Variants in TRDN observed in about 807,000 individuals in gnomAD.
The protein encoded by TRDN is triadin in skeletal muscle.
TRDN carries 161 observed loss-of-function variants against 149.7 expected under a neutral mutation model. That is an observed-to-expected ratio of 1.08 (90% CI 0.95 to 1.23). TRDN has a LOEUF of 1.23. Ranked by LOEUF, TRDN falls within the 50% of genes most tolerant of loss-of-function variation. The pLI is 0.00. For missense variants in TRDN, 896 were observed against 823.5 expected (o/e 1.09, Z -1.08); for synonymous variants, 294 against 250.5 (o/e 1.17, Z -1.64).
At chr6:123,581,839 A>G (rs1366965876) in intron 1 of TRDN, among the ~76,000 whole-genome samples, 1 of 152,212 alleles carries the variant, frequency 6.6e-6, no homozygotes, top group South Asian at 2.1e-4. Context: ...AACTTTTTGT[A>G]AGGAGACAAT....
intron 12 of TRDN, among the ~76,000 whole-genome samples, chr6:123,432,237 TC>T (rs1481622481): frequency 6.6e-6 from 1 of 152,192 alleles, no homozygotes; most frequent in Admixed American, 6.5e-5. Flanking sequence ...TTTGGATATA[TC>T]TTTTTCTAAA....
chr6:123,370,356 A>C (rs553461441), intron 19 of TRDN, among the ~76,000 whole-genome samples: 42 of 152,190 alleles, frequency 2.8e-4, no homozygotes, highest in African/African-American at 9.6e-4. Context: ...GTGTTATATA[A>C]ATTAAACTGT....
intron 19 of TRDN, 66 bp downstream of exon 19, chr6:123,375,539 T>A: frequency 7.3e-7 from 1 of 1,369,980 alleles, no homozygotes; most frequent in East Asian, 2.6e-5. Context: ...GCATAGTCTA[T>A]AGCAGAAAAT....
At chr6:123,266,676 AATAT>A (rs10586614) in intron 32 of TRDN, among the ~76,000 whole-genome samples, 20,312 of 20,702 alleles carry the variant, frequency 0.98, 9,966 homozygotes, top group Middle Eastern at 1. Flanking sequence ...TATATATTAT[AATAT>A]ATATGTAATA....
intron 38 of TRDN, among the ~76,000 whole-genome samples, chr6:123,237,537 T>C (rs1775834245): frequency 6.6e-6 from 1 of 152,292 alleles, no homozygotes; most frequent in Non-Finnish European, 1.5e-5. Context: ...CGTGAGCCAC[T>C]GCGCCCTGAC....
chr6:123,500,339 C>T (rs1221953511), intron 8 of TRDN, among the ~76,000 whole-genome samples: 7 of 152,038 alleles, frequency 4.6e-5, no homozygotes, highest in Non-Finnish European at 1.0e-4. Flanking sequence ...TTGGCAATGA[C>T]CTTAACAACG....
At chr6:123,574,851 TATATAC>T (rs1182354632) in intron 1 of TRDN, among the ~76,000 whole-genome samples, 930 of 35,902 alleles carry the variant, frequency 0.026, 12 homozygotes, top group East Asian at 0.091. Context: ...CATGAATTTA[TATATAC>T]ATATATATAT....
chr6:123,578,165 T>G (rs1055264225), intron 1 of TRDN, among the ~76,000 whole-genome samples: 1 of 152,234 alleles, frequency 6.6e-6, no homozygotes, highest in Non-Finnish European at 1.5e-5. Context: ...TTTTTACCTT[T>G]GTTGCTATTG....
intron 14 of TRDN, among the ~76,000 whole-genome samples, chr6:123,384,258 A>G (rs1351028462): frequency 6.6e-6 from 1 of 152,144 alleles, no homozygotes; most frequent in Non-Finnish European, 1.5e-5. Context: ...ACAACAGCTT[A>G]AGGTATGAAC....
At chr6:123,494,129 A>T (rs1389579848) in intron 9 of TRDN, among the ~76,000 whole-genome samples, 1 of 152,170 alleles carries the variant, frequency 6.6e-6, no homozygotes, top group African/African-American at 2.4e-5. Flanking sequence ...TTAAGAATTC[A>T]ATTAGTAAGT....
At chr6:123,619,983 G>C (rs185284899) in intron 1 of TRDN, among the ~76,000 whole-genome samples, 5 of 152,196 alleles carry the variant, frequency 3.3e-5, no homozygotes, top group East Asian at 1.9e-4. Context: ...CAGGCAAATA[G>C]TTTCTCTCTT....
intron 1 of TRDN, among the ~76,000 whole-genome samples, chr6:123,634,853 G>C (rs557561172): frequency 1.3e-5 from 2 of 152,008 alleles, no homozygotes; most frequent in South Asian, 4.2e-4. Context: ...CCAAGAATTA[G>C]ATGGTATTTC....
intron 12 of TRDN, among the ~76,000 whole-genome samples, chr6:123,415,174 A>G (rs1562301953): frequency 6.6e-6 from 1 of 152,328 alleles, no homozygotes; most frequent in Non-Finnish European, 1.5e-5. Flanking sequence ...ATTCAACTAA[A>G]TGCTTATTGA....
chr6:123,516,470 C>A (rs1779415740), intron 5 of TRDN, among the ~76,000 whole-genome samples: 1 of 151,992 alleles, frequency 6.6e-6, no homozygotes. Flanking sequence ...GTCAGCTTTT[C>A]CAAATCTTTA....
chr6:123,299,784 G>A (rs1205570827), intron 24 of TRDN, among the ~76,000 whole-genome samples: 1 of 151,954 alleles, frequency 6.6e-6, no homozygotes, highest in Non-Finnish European at 1.5e-5. Context: ...TTAATACATT[G>A]AGCATTAAAA....
intron 2 of TRDN, among the ~76,000 whole-genome samples, chr6:123,563,609 A>G (rs1044888611): frequency 1.3e-5 from 2 of 152,194 alleles, no homozygotes; most frequent in African/African-American, 4.8e-5. Context: ...CAACAGAAAT[A>G]ATTTTCTGGT....
At chr6:123,374,793 A>AAAAAC (rs1781447944) in intron 19 of TRDN, among the ~76,000 whole-genome samples, 1 of 151,946 alleles carries the variant, frequency 6.6e-6, no homozygotes, top group Admixed American at 6.6e-5. Flanking sequence ...AAACAAAAAC[A>AAAAAC]AAAAAACAAA....
At chr6:123,288,426 C>A (rs1199183710) in intron 24 of TRDN, among the ~76,000 whole-genome samples, 1 of 151,794 alleles carries the variant, frequency 6.6e-6, no homozygotes, top group African/African-American at 2.4e-5. Context: ...GCAAACGGAA[C>A]AATAAAAATG....
intron 24 of TRDN, among the ~76,000 whole-genome samples, chr6:123,301,765 A>ACG (rs1295296887): frequency 8.7e-5 from 7 of 80,550 alleles, no homozygotes; most frequent in Admixed American, 2.9e-4. Flanking sequence ...ATATATATAT[A>ACG]TATACATATA....
Sources: allele counts gnomAD v4.1 joint callset (sites outside exome capture counted in the v4.1 genomes callset), GRCh38; gene constraint gnomAD v4.1.1; transcripts MANE v1.5; gene names NCBI Gene and HGNC (gene_info 2026-07-23, HGNC 2026-07-21).